Variants in PRDM16 observed in about 807,000 individuals in gnomAD.
PRDM16 encodes histone-lysine N-methyltransferase PRDM16.
In PRDM16, 23 loss-of-function variants were observed where a neutral mutation model predicts 110.6. The observed-to-expected ratio is 0.21, with a 90% CI of 0.15 to 0.29. The LOEUF is 0.29. Ranked by LOEUF, PRDM16 falls within the 10% of genes least tolerant of loss-of-function variation. PRDM16 has a pLI of 1.00. For missense variants in PRDM16, 1,615 were observed against 1,794.3 expected (o/e 0.90, Z 1.81); for synonymous variants, 799 against 781.8 (o/e 1.02, Z -0.37).
chr1:3,271,222 G>C (rs540189705), intron 3 of PRDM16, among the ~76,000 whole-genome samples: 117 of 152,304 alleles, frequency 7.7e-4, no homozygotes, highest in African/African-American at 2.7e-3. Context: ...GATATCCCTC[G>C]AGGAAGGAAC....
chr1:3,419,546 G>C (rs529364755), intron 12 of PRDM16, among the ~76,000 whole-genome samples: 9 of 152,204 alleles, frequency 5.9e-5, no homozygotes, highest in African/African-American at 2.2e-4. Context: ...ACTGGGAGGC[G>C]AATGGGGAAA....
At chr1:3,108,186 C>T (rs541231094) in intron 1 of PRDM16, among the ~76,000 whole-genome samples, 1 of 152,352 alleles carries the variant, frequency 6.6e-6, no homozygotes, top group East Asian at 1.9e-4. Flanking sequence ...TTGGTCTTGC[C>T]GTTTGTCCTT....
At chr1:3,095,281 C>T (rs1037587584) in intron 1 of PRDM16, among the ~76,000 whole-genome samples, 4 of 151,890 alleles carry the variant, frequency 2.6e-5, no homozygotes, top group Admixed American at 6.5e-5. Flanking sequence ...CCAGGGCTGT[C>T]CAGGGAGGTA....
intron 1 of PRDM16, among the ~76,000 whole-genome samples, chr1:3,159,861 G>A (rs1412813595): frequency 6.6e-6 from 1 of 152,212 alleles, no homozygotes; most frequent in African/African-American, 2.4e-5. Flanking sequence ...CAGACTCAGA[G>A]TGCCAGAGAA....
chr1:3,252,877 G>A (rs1055936614), intron 3 of PRDM16, among the ~76,000 whole-genome samples: 10 of 152,154 alleles, frequency 6.6e-5, no homozygotes, highest in African/African-American at 1.4e-4. Context: ...CTTGTACTGC[G>A]GGGTGGAGGC....
At chr1:3,210,536 TACTC>T (rs1348721868) in intron 2 of PRDM16, among the ~76,000 whole-genome samples, 3 of 152,244 alleles carry the variant, frequency 2.0e-5, no homozygotes, top group African/African-American at 7.2e-5. Context: ...TGATTCCACT[TACTC>T]AAGCCACATG....
intron 4 of PRDM16, among the ~76,000 whole-genome samples, chr1:3,388,761 G>C (rs1643244624): frequency 6.6e-6 from 1 of 152,196 alleles, no homozygotes. Flanking sequence ...TATGTCCTTG[G>C]GGTGAGACCC....
intron 1 of PRDM16, among the ~76,000 whole-genome samples, chr1:3,126,046 C>T (rs752576330): frequency 2.0e-5 from 3 of 152,246 alleles, no homozygotes; most frequent in African/African-American, 4.8e-5. Context: ...ATGCATTGAT[C>T]GGGCTGGCTC....
chr1:3,151,287 C>G (rs1643771347), intron 1 of PRDM16, among the ~76,000 whole-genome samples: 1 of 152,244 alleles, frequency 6.6e-6, no homozygotes. Flanking sequence ...AGAGTCCAGA[C>G]AGAAGTGGGG....
chr1:3,134,367 G>A (rs1643394503), intron 1 of PRDM16, among the ~76,000 whole-genome samples: 1 of 152,266 alleles, frequency 6.6e-6, no homozygotes, highest in Non-Finnish European at 1.5e-5. Flanking sequence ...CAGTTGGGCA[G>A]CAGGCATGGC....
intron 3 of PRDM16, among the ~76,000 whole-genome samples, chr1:3,284,967 G>A (rs1051095024): frequency 1.3e-5 from 2 of 152,202 alleles, no homozygotes; most frequent in Non-Finnish European, 2.9e-5. Flanking sequence ...CTCCCCTCTG[G>A]GCCCGGGCTT....
chr1:3,131,006 C>T (rs759749030), intron 1 of PRDM16, among the ~76,000 whole-genome samples: 1 of 152,058 alleles, frequency 6.6e-6, no homozygotes, highest in Non-Finnish European at 1.5e-5. Context: ...TTTATCCTGA[C>T]GTGCAGACCG....
intron 4 of PRDM16, among the ~76,000 whole-genome samples, chr1:3,389,388 G>A (rs541564513): frequency 2.0e-5 from 3 of 152,298 alleles, no homozygotes; most frequent in South Asian, 4.1e-4. Flanking sequence ...CATGGGAATC[G>A]GACCGTCCTC....
chr1:3,169,841 G>A lies in PRDM16; in HGVS notation c.38-16284G>A, dbSNP rs961372277. ...CCTGGCTGCCGTGTCCATGGGCCAC[G>A]CTCGGGTCAGCGGCGAGCTAACGCC... On this transcript the variant is annotated intron_variant, in intron 1 of 16. Transcript: ENST00000270722. Among the ~76,000 whole-genome samples, 3 of 152,212 alleles carry A rather than the reference G, an allele frequency of 2.0e-5. 1 individual carries two copies. The highest frequency in any genetic ancestry group is 1.9e-4 in the East Asian group (1 of 5,168).
rs190314572 is a variant in PRDM16, at chr1:3,163,454, C to T, written c.38-22671C>T. ...CGGAGGCCTGAGTGAGCACCTCTGA[C>T]GGTCCAGCCCAGAGTAGGTGTTGAG... On this transcript the variant is annotated intron_variant, in intron 1 of 16. Coordinates refer to ENST00000270722, the MANE Select transcript of PRDM16 (RefSeq NM_022114.4). Among the ~76,000 whole-genome samples the T allele has an allele frequency of 1.3e-4, 20 of 152,308 alleles. 5 individuals are homozygous for T. Among genetic ancestry groups the T allele is most frequent in the Admixed American group, 8.5e-4 (13 of 15,308 alleles).
chr1:3,325,303 C>T (rs1641863035), intron 3 of PRDM16, among the ~76,000 whole-genome samples: 1 of 152,212 alleles, frequency 6.6e-6, no homozygotes, highest in South Asian at 2.1e-4. Flanking sequence ...AGGTGTTAGC[C>T]GGCCCCAGGG....
At position 3,258,652 on chromosome 1, in the gene PRDM16, T is replaced by C. The variant is rs1456370571; in HGVS notation, c.438+14515T>C. ...ATTATTAGCCACAGAAATGTTTGCA[T>C]TGCCTGGGATGGAAAATTATCACAT... On this transcript the variant is annotated intron_variant, in intron 3 of 16. Coordinates refer to ENST00000270722, the MANE Select transcript of PRDM16 (RefSeq NM_022114.4). Among the ~76,000 whole-genome samples, 9 of 152,378 alleles carry C rather than the reference T, an allele frequency of 5.9e-5. No homozygotes were observed. In the East Asian group the frequency reaches 1.5e-3, roughly 26 times the overall value.
intron 1 of PRDM16, among the ~76,000 whole-genome samples, chr1:3,120,794 G>A (rs1332452776): frequency 3.3e-5 from 5 of 152,184 alleles, no homozygotes; most frequent in South Asian, 2.1e-4. Context: ...TGGCAGGGCC[G>A]AGCCCTGGCC....
intron 1 of PRDM16, among the ~76,000 whole-genome samples, chr1:3,165,028 G>A (rs969386051): frequency 1.3e-5 from 2 of 152,266 alleles, no homozygotes; most frequent in African/African-American, 4.8e-5. Flanking sequence ...TGTGCCAAGT[G>A]ACATGGTGCT....
Sources: gnomAD v4.1 joint callset for allele counts (sites outside exome capture counted in the v4.1 genomes callset) on GRCh38, gnomAD v4.1.1 for gene constraint, MANE v1.5 for transcripts, NCBI Gene and HGNC (gene_info 2026-07-23, HGNC 2026-07-21) for gene names.